The following SMARCB1 variants were observed in gnomAD, a reference collection of about 807,000 sequenced individuals.
SMARCB1 encodes SWI/SNF-related matrix-associated actin-dependent regulator of chromatin subfamily B member 1.
Under a neutral mutation model 49.0 loss-of-function variants are expected in SMARCB1, and 5 were observed. That is an observed-to-expected ratio of 0.10 (90% confidence interval 0.05 to 0.21). The LOEUF (loss-of-function observed/expected upper bound fraction) is 0.21. Among genes scored for constraint, SMARCB1 ranks in the 10% least tolerant of loss-of-function variants. The pLI is 1.00. For synonymous variants in SMARCB1, 201 were observed against 200.1 expected (o/e 1.00, Z -0.04); for missense variants, 226 against 509.2 (o/e 0.44, Z 5.35).
At chr22:23,799,010 A>G (rs969395315) in intron 3 of SMARCB1, among the ~76,000 whole-genome samples, 24 of 150,814 alleles carry the variant, frequency 1.6e-4, no homozygotes, top group African/African-American at 5.9e-4. Context: ...AGATGGCGCC[A>G]CTGTACTCCA....
chr22:23,822,436 G>A (rs118057868), intron 6 of SMARCB1, among the ~76,000 whole-genome samples: 1 of 152,144 alleles, frequency 6.6e-6, no homozygotes, highest in African/African-American at 2.4e-5. Context: ...AGTCCACCTG[G>A]AGTCCAGCAC....
chr22:23,837,479 T>G lies in SMARCB1; in HGVS notation c.*3299T>G. ...AGATCCGTCCTGACGATGCAAATTATGTGGGCCGGCTGGCTTGAGGGGCTG... is the reference window on the plus strand; with the variant it reads ...AGATCCGTCCTGACGATGCAAATTAGGTGGGCCGGCTGGCTTGAGGGGCTG... On this transcript the variant is annotated 3_prime_UTR_variant, in exon 9 of 9. Transcript: ENST00000644036. 1 of 696,764 alleles carries G rather than the reference T, an allele frequency of 1.4e-6. No individual in the cohort carries two copies. Among genetic ancestry groups the G allele is most frequent in the Non-Finnish European group, 2.4e-6 (1 of 421,470 alleles). 43.2% of individuals were successfully genotyped at this position (696,764 alleles called of 1,614,324 possible). A position where few individuals can be genotyped will look rare whatever the true frequency, so the allele number is the denominator to read the frequency against.
chr22:23,833,423 C>T (rs5751747), intron 7 of SMARCB1, 149 bp from the exon 8 acceptor site: 1 of 1,115,596 alleles, frequency 9.0e-7, no homozygotes, highest in South Asian at 1.2e-5. Flanking sequence ...CCTCCAGCAG[C>T]TCCCTTGAGG....
intron 5 of SMARCB1, among the ~76,000 whole-genome samples, chr22:23,804,648 A>AT (rs1364563500): frequency 6.6e-6 from 1 of 152,130 alleles, no homozygotes. Flanking sequence ...AGTTCAAGCG[A>AT]TTCTCGTGCC....
intron 6 of SMARCB1, among the ~76,000 whole-genome samples, chr22:23,821,908 G>T (rs1486243567): frequency 6.6e-6 from 1 of 151,456 alleles, no homozygotes; most frequent in African/African-American, 2.4e-5. Flanking sequence ...TCACTTTGTT[G>T]TCCAGGCTGG....
intron 7 of SMARCB1, among the ~76,000 whole-genome samples, chr22:23,830,954 A>C (rs5760057): frequency 0.92 from 139,538 of 152,166 alleles, 64,127 homozygotes; most frequent in Middle Eastern, 0.97. Context: ...CCACTGCACC[A>C]GGCCTGTAAT....
intron 6 of SMARCB1, among the ~76,000 whole-genome samples, chr22:23,821,285 G>A (rs2030073005): frequency 6.6e-6 from 1 of 152,258 alleles, no homozygotes; most frequent in Non-Finnish European, 1.5e-5. Flanking sequence ...GGGACAGACT[G>A]CATTTTTCAG....
intron 3 of SMARCB1, among the ~76,000 whole-genome samples, chr22:23,796,639 C>T (rs1374565219): frequency 1.2e-4 from 18 of 152,226 alleles, no homozygotes. Flanking sequence ...GTGGTAAGAA[C>T]ATAAGGATGG....
chr22:23,820,563 C>G (rs1952659562), intron 6 of SMARCB1, among the ~76,000 whole-genome samples: 1 of 152,232 alleles, frequency 6.6e-6, no homozygotes, highest in South Asian at 2.1e-4. Flanking sequence ...GACAGCGAGA[C>G]TCTGACTCAG....
chr22:23,819,864 T>C (rs1241433865), intron 6 of SMARCB1, among the ~76,000 whole-genome samples: 2 of 152,064 alleles, frequency 1.3e-5, no homozygotes, highest in Non-Finnish European at 2.9e-5. Context: ...TCTCGCTCTG[T>C]TACCCAGGCT....
chr22:23,837,651 A>C lies in SMARCB1; in HGVS notation c.*3471A>C, dbSNP rs2031191539. 2.5e-6 allele frequency: 4 copies of C among 1,610,422 alleles called. No individual in the cohort carries two copies. The African/African-American group carries it at 4.0e-5, about 16-fold the overall frequency. On this transcript the variant is annotated 3_prime_UTR_variant, in exon 9 of 9. Transcript: ENST00000644036. ...CCTGGGGCGGACTAGATGTACCGGGAGGCTCACCCAGCAGGTCCACGAGGA... is the reference window on the plus strand; with the variant it reads ...CCTGGGGCGGACTAGATGTACCGGGCGGCTCACCCAGCAGGTCCACGAGGA...
At position 23,835,393 on chromosome 22, in the gene SMARCB1, G is replaced by A; in HGVS notation, c.*1213G>A. 1 of 988,600 alleles carries A rather than the reference G, an allele frequency of 1.0e-6. No homozygotes were observed. The highest frequency in any genetic ancestry group is 1.7e-5 in the African/African-American group (1 of 57,540). 61.2% of individuals were successfully genotyped at this position (988,600 alleles called of 1,614,324 possible). On this transcript the variant is annotated 3_prime_UTR_variant, in exon 9 of 9. Transcript: ENST00000644036. ...GCTGTTGGCAGGTCCCATGCTGCCA[G>A]GGCAGGGCTAGGGTCAGAGGCTGCT...
At position 23,834,390 on chromosome 22, in the gene SMARCB1, C is replaced by CCCCCCCCCCA; in HGVS notation, c.*210_*211insCCCCCCCCCA. 1 of 702,826 alleles carries CCCCCCCCCCA rather than the reference C, an allele frequency of 1.4e-6. No individual in the cohort carries two copies. Among genetic ancestry groups the CCCCCCCCCCA allele is most frequent in the Non-Finnish European group, 2.6e-6 (1 of 387,422 alleles). 43.5% of individuals were successfully genotyped at this position (702,826 alleles called of 1,614,324 possible). A position where few individuals can be genotyped will look rare whatever the true frequency, so the allele number is the denominator to read the frequency against. On this transcript the variant is annotated 3_prime_UTR_variant, in exon 9 of 9. Coordinates refer to ENST00000644036, the MANE Select transcript of SMARCB1 (RefSeq NM_003073.5). Reference sequence around the variant, plus strand: ...GCCCCCCACCCCACCCTCCCTACCCCTCCCCAGTCTCTGGGGTCAGGAAGA... The same window carrying CCCCCCCCCCA: ...GCCCCCCACCCCACCCTCCCTACCCCCCCCCCCCCATCCCCAGTCTCTGGGGTCAGGAAGA...
intron 5 of SMARCB1, among the ~76,000 whole-genome samples, chr22:23,805,581 C>T (rs1244056404): frequency 6.6e-6 from 1 of 152,206 alleles, no homozygotes; most frequent in Non-Finnish European, 1.5e-5. Context: ...TCTCAGCTCA[C>T]CACAACTTCC....
chr22:23,825,700 C>T, intron 7 of SMARCB1: 1 of 487,700 alleles, frequency 2.1e-6, no homozygotes, highest in Non-Finnish European at 3.7e-6. Context: ...TGGCCTGCCC[C>T]CACCATCCAC....
Position 23,836,215 on chromosome 22 carries a change from G to A in SMARCB1, c.*2035G>A. 1 of 985,446 alleles carries A rather than the reference G, an allele frequency of 1.0e-6. No individual in the cohort carries two copies. 61.0% of individuals were successfully genotyped at this position (985,446 alleles called of 1,614,324 possible). On this transcript the variant is annotated 3_prime_UTR_variant, in exon 9 of 9. Transcript: ENST00000644036. ...CTTAGGCTCTGAGGTCATAGAAAGG[G>A]CAGAAGACCTAGTCCTGGCCCTCTT...
intron 2 of SMARCB1, chr22:23,793,321 C>T: frequency 3.3e-6 from 2 of 601,636 alleles, no homozygotes; most frequent in Admixed American, 4.7e-5. Context: ...AGCCAGTGCT[C>T]CTGGGGCAGA....
At chr22:23,826,491 C>T (rs1274694701) in intron 7 of SMARCB1, among the ~76,000 whole-genome samples, 1 of 151,682 alleles carries the variant, frequency 6.6e-6, no homozygotes, top group Non-Finnish European at 1.5e-5. Context: ...GACTGGGAAG[C>T]CCCGTGGTTC....
At chr22:23,829,966 T>C (rs1034597022) in intron 7 of SMARCB1, among the ~76,000 whole-genome samples, 1 of 152,236 alleles carries the variant, frequency 6.6e-6, no homozygotes, top group Non-Finnish European at 1.5e-5. Context: ...GGATTATCCA[T>C]GTTGTAGCAT....
Sources: allele counts gnomAD v4.1 joint callset (sites outside exome capture counted in the v4.1 genomes callset), GRCh38; gene constraint gnomAD v4.1.1; transcripts MANE v1.5; gene names NCBI Gene and HGNC (gene_info 2026-07-23, HGNC 2026-07-21).